Variants in ABAT observed in about 807,000 individuals in gnomAD.
The protein encoded by ABAT is 4-aminobutyrate aminotransferase, mitochondrial.
A neutral mutation model predicts 64.6 loss-of-function variants in ABAT; 45 were observed. That is an observed-to-expected ratio of 0.70 (90% CI 0.55 to 0.89). The LOEUF is 0.89. ABAT is among the 40% of genes least tolerant of loss of function. The pLI, the probability that ABAT is intolerant of heterozygous loss-of-function variation, is 0.00. For synonymous variants in ABAT, 297 were observed against 250.5 expected, an observed-to-expected ratio of 1.19 and a Z score of -1.75; for missense variants, 633 against 658.4, an observed-to-expected ratio of 0.96 and a Z score of 0.42.
intron 2 of ABAT, among the ~76,000 whole-genome samples, chr16:8,738,154 C>T (rs1272269636): frequency 6.6e-6 from 1 of 151,350 alleles, no homozygotes; most frequent in African/African-American, 2.4e-5. Context: ...GACCCTGTCT[C>T]TGTGAAAAAT....
chr16:8,772,908 C>G lies in ABAT; in HGVS notation c.945C>G (p.Ile315Met). ...SDDFFRKLRD[I>M]ARKHGCAFLV... The stretch of plus-strand genomic sequence containing the variant: ...ACTTCTTTCGGAAGCTGAGAGACAT[C>G]GCCAGGAAGGTCAGTGGACAGGGCC... The change falls in exon 12 of 16, where the codon ATC becomes ATG. Residue 315 changes from isoleucine (I) to methionine (M), a missense_variant. Physicochemically the swap from Ile to Met is conservative, Grantham distance 10. Transcript: ENST00000268251. The G allele has an allele frequency of 1.2e-6, 2 of 1,613,724 alleles. No homozygotes were observed. Among genetic ancestry groups the G allele is most frequent in the Middle Eastern group, 1.7e-4 (1 of 5,848 alleles).
intron 3 of ABAT, 151 bp downstream of exon 3, chr16:8,746,249 T>C: frequency 1.4e-6 from 1 of 720,172 alleles, no homozygotes; most frequent in Non-Finnish European, 2.4e-6. Context: ...ATGAGGCCAT[T>C]TTGCCATACA....
At chr16:8,734,234 G>A (rs1048340611) in intron 1 of ABAT, among the ~76,000 whole-genome samples, 3 of 152,060 alleles carry the variant, frequency 2.0e-5, no homozygotes, top group Non-Finnish European at 4.4e-5. Flanking sequence ...TTCCTTCAAG[G>A]CACTTCTCCC....
chr16:8,735,046 T>TAAAA (rs34887951), intron 1 of ABAT, among the ~76,000 whole-genome samples: 21 of 147,642 alleles, frequency 1.4e-4, no homozygotes, highest in Non-Finnish European at 1.8e-4. Flanking sequence ...CATCTCTACT[T>TAAAA]AAAAAAAAAA....
At chr16:8,717,794 G>T (rs933137629) in intron 1 of ABAT, among the ~76,000 whole-genome samples, 2 of 151,890 alleles carry the variant, frequency 1.3e-5, no homozygotes, top group Non-Finnish European at 2.9e-5. Flanking sequence ...ACTAATTTAA[G>T]AATTAAATTA....
chr16:8,762,057 G>A (rs1469792329), intron 6 of ABAT, among the ~76,000 whole-genome samples: 1 of 151,482 alleles, frequency 6.6e-6, no homozygotes, highest in Non-Finnish European at 1.5e-5. Context: ...AGAGTGGAGT[G>A]GCTGGATCAT....
intron 2 of ABAT, among the ~76,000 whole-genome samples, chr16:8,741,808 C>G (rs945659559): frequency 6.6e-6 from 1 of 152,172 alleles, no homozygotes; most frequent in Non-Finnish European, 1.5e-5. Context: ...GGTTCCAATG[C>G]TGACTCTTCA....
At chr16:8,740,582 T>C (rs116389206) in intron 2 of ABAT, among the ~76,000 whole-genome samples, 4,151 of 152,286 alleles carry the variant, frequency 0.027, 182 homozygotes, top group African/African-American at 0.094. Flanking sequence ...AGCCTCAGCC[T>C]GCAGCCATAC....
rs953724186 is a variant in ABAT, at chr16:8,764,410, T to C, written c.447+261T>C. ...TATGTCATTCAATCCTGCCCCCACTTCTCGGTTTTAGTTACTACAAACGAT... is the reference window on the plus strand; with the variant it reads ...TATGTCATTCAATCCTGCCCCCACTCCTCGGTTTTAGTTACTACAAACGAT... On this transcript the variant is annotated intron_variant, in intron 7 of 15. Transcript: ENST00000268251. This position sits in a 1 kb window ranked among gnomAD's most constrained non-coding sequence, Gnocchi z 4.2. Among the ~76,000 whole-genome samples the C allele has an allele frequency of 7.9e-5, 12 of 152,290 alleles. No homozygotes were observed. The highest frequency in any genetic ancestry group is 3.4e-3 in the Middle Eastern group (1 of 294).
At chr16:8,773,145 CACAT>C (rs1180985536) in intron 12 of ABAT, among the ~76,000 whole-genome samples, 36 of 103,848 alleles carry the variant, frequency 3.5e-4, no homozygotes, top group South Asian at 1.7e-3. Flanking sequence ...CACACACACA[CACAT>C]ATATATATAT....
intron 1 of ABAT, among the ~76,000 whole-genome samples, chr16:8,706,472 G>C (rs891487350): frequency 6.6e-6 from 1 of 150,726 alleles, no homozygotes; most frequent in Non-Finnish European, 1.5e-5. Flanking sequence ...CCAGCACTTT[G>C]GGAGGCTGAG....
At position 8,781,188 on chromosome 16, in the gene ABAT, ATGAT is replaced by A. The variant is rs2060427270; in HGVS notation, c.1382-120_1382-117del. On this transcript the variant is annotated intron_variant, in intron 15 of 15. Coordinates refer to ENST00000268251, the MANE Select transcript of ABAT (RefSeq NM_020686.6). The surrounding 1 kb of genome is among the most constrained non-coding windows in gnomAD (Gnocchi z 4.5). ...GAAGCCCGGGCTTCCATGATGGAGG[ATGAT>A]GGATGGATGGATGGATGGATGGATG... 1 of 1,444,356 alleles carries A rather than the reference ATGAT, an allele frequency of 6.9e-7. No individual in the cohort carries two copies. Among genetic ancestry groups the A allele is most frequent in the Non-Finnish European group, 9.5e-7 (1 of 1,050,888 alleles). The allele number at this position is 1,444,356 out of a possible 1,614,324, so 89.5% of individuals were successfully genotyped here. A position where few individuals can be genotyped will look rare whatever the true frequency, so the allele number is the denominator to read the frequency against.
chr16:8,778,051 C>T (rs1183054984), intron 14 of ABAT, among the ~76,000 whole-genome samples: 8 of 152,280 alleles, frequency 5.3e-5, no homozygotes, highest in South Asian at 2.1e-4. Context: ...AATGAGCTGC[C>T]GTGAAATAAG....
rs1429591664 is a variant in ABAT at position 8,782,496 on chromosome 16, A to AG, written c.*1069dup. The AG allele has an allele frequency of 6.6e-6, 1 of 152,238 alleles. No homozygotes were observed. Among genetic ancestry groups the AG allele is most frequent in the African/African-American group, 2.4e-5 (1 of 41,446 alleles). 9.4% of individuals were successfully genotyped at this position (152,238 alleles called of 1,614,324 possible). ...CATTGCTGGACTGGATTTCTTCTGG[A>AG]GGGAAGCACCATGAATTAAAGGTGC... On this transcript the variant is annotated 3_prime_UTR_variant, in exon 16 of 16. Coordinates refer to ENST00000268251, the MANE Select transcript of ABAT (RefSeq NM_020686.6).
intron 5 of ABAT, among the ~76,000 whole-genome samples, chr16:8,755,884 C>G (rs1378103412): frequency 1.3e-5 from 2 of 152,132 alleles, no homozygotes; most frequent in African/African-American, 4.8e-5. Context: ...CCCGTCTCTA[C>G]TAAAAATACA....
intron 10 of ABAT, 48 bp from the exon 11 acceptor site, chr16:8,768,777 C>T: frequency 6.2e-7 from 1 of 1,613,042 alleles, no homozygotes; most frequent in Non-Finnish European, 8.5e-7. Flanking sequence ...GACGGTACTG[C>T]CTGCTTCCCC....
chr16:8,770,383 C>T (rs1273412), intron 11 of ABAT, among the ~76,000 whole-genome samples: 55,544 of 151,888 alleles, frequency 0.37, 11,067 homozygotes, highest in Non-Finnish European at 0.43. Context: ...GTGATCCGCC[C>T]GCCTCGGCCT....
At chr16:8,694,175 G>A (rs1169801340) in intron 1 of ABAT, among the ~76,000 whole-genome samples, 6 of 145,342 alleles carry the variant, frequency 4.1e-5, no homozygotes, top group Admixed American at 1.4e-4. Flanking sequence ...GACTACAGGC[G>A]CCCGCCACAA....
chr16:8,766,491 C>T lies in ABAT; in HGVS notation c.603+221C>T, dbSNP rs560615919. Among the ~76,000 whole-genome samples, 25 of 151,916 alleles carry T rather than the reference C, an allele frequency of 1.6e-4. 1 individual carries two copies. The South Asian group carries it at 3.9e-3, about 24-fold the overall frequency. ...CTAATATGGTGAAACCCCATCTCTA[C>T]TAAAAAGACAAAAATTACCCGGGCA... On this transcript the variant is annotated intron_variant, in intron 9 of 15. Transcript: ENST00000268251.
Sources: allele counts gnomAD v4.1 joint callset (sites outside exome capture counted in the v4.1 genomes callset), GRCh38; gene constraint gnomAD v4.1.1; non-coding constraint Gnocchi (gnomAD v3.1); transcripts MANE v1.5; gene names NCBI Gene and HGNC (gene_info 2026-07-23, HGNC 2026-07-21).